Variants in PACRG observed in about 807,000 individuals in gnomAD.
The protein encoded by PACRG is parkin coregulated gene protein.
PACRG carries 29 observed loss-of-function variants against 29.7 expected under a neutral mutation model. That is an observed-to-expected ratio of 0.98 (90% confidence interval 0.73 to 1.33). PACRG has a LOEUF of 1.33. Among genes scored for constraint, PACRG ranks in the 40% most tolerant of loss-of-function variants. The pLI, the probability that PACRG is intolerant of heterozygous loss-of-function variation, is 0.00. For synonymous variants in PACRG, 116 were observed against 118.7 expected (o/e 0.98, Z 0.15); for missense variants, 279 against 316.2 (o/e 0.88, Z 0.89).
At chr6:163,304,973 C>G (rs1447267155) in intron 4 of PACRG, among the ~76,000 whole-genome samples, 1 of 152,230 alleles carries the variant, frequency 6.6e-6, no homozygotes, top group East Asian at 1.9e-4. Context: ...GAAAGATAAA[C>G]AGACTATTAA....
intron 2 of PACRG, among the ~76,000 whole-genome samples, chr6:162,918,331 A>G (rs1562732493): frequency 6.6e-6 from 1 of 152,236 alleles, no homozygotes; most frequent in Non-Finnish European, 1.5e-5. Flanking sequence ...ATAATTATCT[A>G]TACTATAATA....
chr6:162,771,925 A>T (rs577559044), intron 1 of PACRG, among the ~76,000 whole-genome samples: 1 of 152,174 alleles, frequency 6.6e-6, no homozygotes, highest in Non-Finnish European at 1.5e-5. Flanking sequence ...GGCTGCACAA[A>T]TGACTACATT....
At chr6:163,100,870 TTGC>T (rs1815043825) in intron 4 of PACRG, 1 of 983,774 alleles carries the variant, frequency 1.0e-6, no homozygotes. Context: ...TGATATTTTC[TTGC>T]TTGCCTGCTT....
chr6:163,204,062 A>G (rs1180620748), intron 4 of PACRG, among the ~76,000 whole-genome samples: 1 of 152,254 alleles, frequency 6.6e-6, no homozygotes. Context: ...CTAATTTTAA[A>G]TGAACTAAAA....
chr6:163,269,750 AAGAG>A lies in PACRG; in HGVS notation c.614-45065_614-45062del, dbSNP rs781619961. ...AATACCACTGAGGGGGAAAAGAAGA[AAGAG>A]AGAGAGAGAGACAGACAGACAGACA... On this transcript the variant is annotated intron_variant, in intron 4 of 4. Coordinates refer to ENST00000366888, the MANE Select transcript of PACRG (RefSeq NM_001080379.2). 9.7e-5 allele frequency among the ~76,000 whole-genome samples: 8 copies of A among 82,364 alleles called. 1 individual carries two copies. Among genetic ancestry groups the A allele is most frequent in the Middle Eastern group, 6.8e-3 (1 of 148 alleles). The allele number at this position is 82,364 out of a possible 152,430, so 54.0% of individuals were successfully genotyped here. A position where few individuals can be genotyped will look rare whatever the true frequency, so the allele number is the denominator to read the frequency against.
chr6:163,288,207 G>A (rs1040525924), intron 4 of PACRG, among the ~76,000 whole-genome samples: 3 of 152,200 alleles, frequency 2.0e-5, no homozygotes, highest in Non-Finnish European at 2.9e-5. Flanking sequence ...TGGGGCTGGC[G>A]TCTGATTCAC....
chr6:162,947,906 C>T (rs1439895772), intron 2 of PACRG, among the ~76,000 whole-genome samples: 1 of 151,426 alleles, frequency 6.6e-6, no homozygotes, highest in Non-Finnish European at 1.5e-5. Context: ...TTAAAGAGGA[C>T]ACAAACAAAG....
chr6:163,151,585 C>T (rs1277086786), intron 4 of PACRG, among the ~76,000 whole-genome samples: 2 of 152,184 alleles, frequency 1.3e-5, no homozygotes, highest in South Asian at 2.1e-4. Context: ...TATTTGTCCT[C>T]GATAGGAAAA....
chr6:163,035,151 T>C (rs989771467), intron 2 of PACRG, among the ~76,000 whole-genome samples: 2 of 152,196 alleles, frequency 1.3e-5, no homozygotes, highest in Admixed American at 1.3e-4. Context: ...TACTGCAGTC[T>C]GTTTTATCAG....
intron 1 of PACRG, among the ~76,000 whole-genome samples, chr6:162,743,553 T>G (rs1780759664): frequency 6.6e-6 from 1 of 152,186 alleles, no homozygotes; most frequent in African/African-American, 2.4e-5. Flanking sequence ...TTTCTTTGTA[T>G]GCTATCTCTC....
intron 2 of PACRG, among the ~76,000 whole-genome samples, chr6:162,947,386 A>G (rs117337424): frequency 5.4e-5 from 2 of 36,704 alleles, no homozygotes; most frequent in Non-Finnish European, 7.1e-5. Flanking sequence ...TCATATATAT[A>G]ATCATATATA....
chr6:163,315,234 T>C lies in PACRG; in HGVS notation c.*247T>C, dbSNP rs56157187. 21,716 of 377,418 alleles carry C rather than the reference T, an allele frequency of 0.058. 810 individuals are homozygous for C. The highest frequency in any genetic ancestry group is 0.072 in the Non-Finnish European group (15,255 of 212,772). The allele number at this position is 377,418 out of a possible 1,614,324, so 23.4% of individuals were successfully genotyped here. A position where few individuals can be genotyped will look rare whatever the true frequency, so the allele number is the denominator to read the frequency against. Reference sequence around the variant, plus strand: ...TGTTCTAAGAGAAGAATTGCTTCTTTATACAGCTCCGACAGAAGCAGGAGT... The same window carrying C: ...TGTTCTAAGAGAAGAATTGCTTCTTCATACAGCTCCGACAGAAGCAGGAGT... On this transcript the variant is annotated 3_prime_UTR_variant, in exon 5 of 5. Coordinates refer to ENST00000366888, the MANE Select transcript of PACRG (RefSeq NM_001080379.2).
At chr6:163,042,057 G>A (rs751831393) in intron 2 of PACRG, among the ~76,000 whole-genome samples, 4 of 152,152 alleles carry the variant, frequency 2.6e-5, no homozygotes, top group African/African-American at 9.7e-5. Flanking sequence ...TAGAGACGGG[G>A]TTTCTCCATG....
Position 163,293,856 on chromosome 6 carries a change from TA to T in PACRG, c.614-20962del, listed in dbSNP as rs747080389. 7.9e-5 allele frequency among the ~76,000 whole-genome samples: 12 copies of T among 151,442 alleles called. 1 individual carries two copies. The highest frequency in any genetic ancestry group is 4.2e-4 in the South Asian group (2 of 4,796). ...GCATATGTTTTTCTCATCATAAATA[TA>T]AAAAAAAACTGTGAAAAGAAAATGG... On this transcript the variant is annotated intron_variant, in intron 4 of 4. Coordinates refer to ENST00000366888, the MANE Select transcript of PACRG (RefSeq NM_001080379.2).
At chr6:162,976,848 A>G (rs1447428940) in intron 2 of PACRG, among the ~76,000 whole-genome samples, 1 of 152,174 alleles carries the variant, frequency 6.6e-6, no homozygotes, top group African/African-American at 2.4e-5. Context: ...CTAAATTCTA[A>G]ATACTATTAT....
intron 1 of PACRG, among the ~76,000 whole-genome samples, chr6:162,804,910 G>A (rs1193119254): frequency 1.3e-5 from 2 of 152,158 alleles, no homozygotes; most frequent in Non-Finnish European, 2.9e-5. Context: ...ATCATACAGT[G>A]TACTTACACA....
chr6:163,054,565 G>A (rs1810367445), intron 2 of PACRG, among the ~76,000 whole-genome samples: 1 of 152,208 alleles, frequency 6.6e-6, no homozygotes, highest in South Asian at 2.1e-4. Context: ...TAGTTCGGCT[G>A]AAGACAGGGT....
intron 1 of PACRG, among the ~76,000 whole-genome samples, chr6:162,808,822 T>C (rs1459466579): frequency 1.3e-5 from 2 of 152,198 alleles, no homozygotes; most frequent in African/African-American, 4.8e-5. Context: ...ATATTATTTA[T>C]AATAAATTGA....
chr6:163,188,189 G>A (rs1037185057), intron 4 of PACRG, among the ~76,000 whole-genome samples: 12 of 152,260 alleles, frequency 7.9e-5, no homozygotes, highest in African/African-American at 2.6e-4. Context: ...GGAGGCAGGA[G>A]CCCCAAGTCA....
Sources: allele counts gnomAD v4.1 joint callset (sites outside exome capture counted in the v4.1 genomes callset), GRCh38; gene constraint gnomAD v4.1.1; transcripts MANE v1.5; gene names NCBI Gene and HGNC (gene_info 2026-07-23, HGNC 2026-07-21).